LIMS1: variants seen among roughly 807,000 people sequenced by gnomAD.
The protein encoded by LIMS1 is LIM and senescent cell antigen-like-containing domain protein 1.
In LIMS1, 18 loss-of-function variants were observed where a neutral mutation model predicts 44.1. That is an observed-to-expected ratio of 0.41 (90% CI 0.28 to 0.61). The LOEUF is 0.61. Ranked by LOEUF, LIMS1 falls within the 20% of genes least tolerant of loss-of-function variation. The probability of loss-of-function intolerance (pLI) is 0.32; values close to 1 mark genes in which losing one functional copy is unlikely to be tolerated. For synonymous variants in LIMS1, 93 were observed against 149.1 expected (o/e 0.62, Z 2.74); for missense variants, 201 against 422.0 (o/e 0.48, Z 4.59).
chr2:108,544,238 C>G (rs1210502641), intron 1 of LIMS1, among the ~76,000 whole-genome samples: 1 of 152,126 alleles, frequency 6.6e-6, no homozygotes, highest in Non-Finnish European at 1.5e-5. Context: ...AACCAGAGGC[C>G]TGGCTTATTT....
chr2:108,634,639 T>C (rs546430970), intron 1 of LIMS1, among the ~76,000 whole-genome samples: 1 of 152,210 alleles, frequency 6.6e-6, no homozygotes, highest in Non-Finnish European at 1.5e-5. Context: ...GTGGTACACA[T>C]GGTCCTTTTC....
At chr2:108,637,256 GAT>G (rs770191431) in intron 1 of LIMS1, among the ~76,000 whole-genome samples, 3 of 151,962 alleles carry the variant, frequency 2.0e-5, no homozygotes, top group Non-Finnish European at 2.9e-5. Context: ...GGCAGTGAAA[GAT>G]ATGTACATTT....
intron 1 of LIMS1, chr2:108,607,038 A>G (rs2104739647): frequency 1.7e-6 from 1 of 592,532 alleles, no homozygotes; most frequent in East Asian, 2.8e-5. Flanking sequence ...ACCCCAAAGT[A>G]AGAGTATTAG....
At chr2:108,680,540 TAAAAAAAAAAAAAAA>T (rs772500201) in intron 8 of LIMS1, among the ~76,000 whole-genome samples, 140 bp from the exon 9 acceptor site, 3 of 81,586 alleles carry the variant, frequency 3.7e-5, no homozygotes, top group African/African-American at 1.3e-4. Flanking sequence ...CTGTCTCATT[TAAAAAAAAAAAAAAA>T]AAAAAAAAAG....
chr2:108,580,462 G>T (rs1036285480), intron 1 of LIMS1, among the ~76,000 whole-genome samples: 3 of 152,058 alleles, frequency 2.0e-5, no homozygotes, highest in African/African-American at 7.2e-5. Context: ...GACGACATGG[G>T]TACCCATGTG....
exon 8 of LIMS1, chr2:108,678,022 G>A: frequency 6.2e-7 from 1 of 1,604,294 alleles, no homozygotes; most frequent in Non-Finnish European, 8.5e-7. Context: ...GTTATAGAAG[G>A]TGATGGTAAG....
chr2:108,640,738 G>A (rs954943485), intron 1 of LIMS1, among the ~76,000 whole-genome samples: 2 of 152,180 alleles, frequency 1.3e-5, no homozygotes, highest in African/African-American at 2.4e-5. Context: ...GGATCAAATC[G>A]GGGTAACTAG....
At chr2:108,631,696 G>C (rs1479555600) in intron 1 of LIMS1, among the ~76,000 whole-genome samples, 1 of 152,086 alleles carries the variant, frequency 6.6e-6, no homozygotes, top group Non-Finnish European at 1.5e-5. Context: ...TTGTCACACA[G>C]ACTCCAGGCT....
intron 8 of LIMS1, among the ~76,000 whole-genome samples, chr2:108,680,232 T>A (rs1558845374): frequency 1.3e-5 from 2 of 151,872 alleles, no homozygotes; most frequent in East Asian, 3.9e-4. Context: ...CTGGGCATGG[T>A]GGCACGCACC....
intron 1 of LIMS1, among the ~76,000 whole-genome samples, chr2:108,549,279 C>CT (rs71381966): frequency 0.035 from 1,933 of 55,776 alleles, 464 homozygotes; most frequent in Non-Finnish European, 0.041. Flanking sequence ...TAAAGTGTTT[C>CT]TTTTTTTTTT....
intron 1 of LIMS1, among the ~76,000 whole-genome samples, chr2:108,543,114 A>G (rs1684367142): frequency 6.6e-6 from 1 of 152,232 alleles, no homozygotes; most frequent in Non-Finnish European, 1.5e-5. Flanking sequence ...TACAAGTCCC[A>G]TAAGAGACTG....
intron 1 of LIMS1, among the ~76,000 whole-genome samples, chr2:108,563,864 G>T (rs534725915): frequency 6.6e-6 from 1 of 151,950 alleles, no homozygotes; most frequent in African/African-American, 2.4e-5. Flanking sequence ...TTTGAGATGT[G>T]CCTGGGCAAT....
chr2:108,613,501 T>A (rs1687771119), intron 1 of LIMS1, among the ~76,000 whole-genome samples: 1 of 151,966 alleles, frequency 6.6e-6, no homozygotes, highest in Admixed American at 6.6e-5. Context: ...CTGCCCTCCC[T>A]CCCTACACAT....
At chr2:108,623,406 CT>C (rs77643546) in intron 1 of LIMS1, among the ~76,000 whole-genome samples, 14 of 152,004 alleles carry the variant, frequency 9.2e-5, no homozygotes, top group African/African-American at 3.1e-4. Flanking sequence ...TTGGTTTATT[CT>C]TTTTTTAAAA....
intron 1 of LIMS1, among the ~76,000 whole-genome samples, chr2:108,569,137 T>C (rs1685394809): frequency 6.6e-6 from 1 of 152,132 alleles, no homozygotes. Context: ...ATGATCTGCC[T>C]ACCTCATCCT....
intron 1 of LIMS1, among the ~76,000 whole-genome samples, chr2:108,567,727 A>ATTTTTTTTTT (rs1279538791): frequency 6.6e-6 from 1 of 152,104 alleles, no homozygotes; most frequent in Non-Finnish European, 1.5e-5. Flanking sequence ...ATGCGTCACC[A>ATTTTTTTTTT]TGCCTGGCTA....
chr2:108,609,834 T>G (rs150920542), intron 1 of LIMS1, among the ~76,000 whole-genome samples: 1 of 136,352 alleles, frequency 7.3e-6, no homozygotes, highest in East Asian at 1.9e-4. Flanking sequence ...CGGTTGAAGT[T>G]TTTTTTTAAC....
intron 1 of LIMS1, among the ~76,000 whole-genome samples, chr2:108,545,087 G>A (rs955806853): frequency 1.3e-5 from 2 of 152,148 alleles, no homozygotes; most frequent in African/African-American, 4.8e-5. Flanking sequence ...TTGATAGGTT[G>A]ATAAGTCTTT....
intron 1 of LIMS1, among the ~76,000 whole-genome samples, chr2:108,592,117 G>A (rs765525007): frequency 5.3e-5 from 8 of 151,928 alleles, no homozygotes; most frequent in Non-Finnish European, 1.2e-4. Flanking sequence ...TTTCATGCGG[G>A]GACTTACAGT....
Sources: gnomAD v4.1 joint callset for allele counts (sites outside exome capture counted in the v4.1 genomes callset) on GRCh38, gnomAD v4.1.1 for gene constraint, MANE v1.5 for transcripts, NCBI Gene and HGNC (gene_info 2026-07-23, HGNC 2026-07-21) for gene names.